PDE11A: variants seen among roughly 807,000 people sequenced by gnomAD.
PDE11A encodes dual 3',5'-cyclic-AMP and -GMP phosphodiesterase 11A.
In PDE11A, 100 loss-of-function variants were observed where a neutral mutation model predicts 100.5. The observed-to-expected ratio is 1.00, with a 90% CI of 0.85 to 1.18. PDE11A has a LOEUF of 1.18. Ranked by LOEUF, PDE11A falls within the 50% of genes most tolerant of loss-of-function variation. The probability of loss-of-function intolerance (pLI) is 0.00; values close to 1 mark genes in which losing one functional copy is unlikely to be tolerated. For missense variants in PDE11A, 1,141 were observed against 1,152.6 expected (o/e 0.99, Z 0.15); for synonymous variants, 381 against 420.8 (o/e 0.91, Z 1.16).
chr2:177,867,401 C>T (rs2084048543), intron 5 of PDE11A, among the ~76,000 whole-genome samples: 1 of 152,124 alleles, frequency 6.6e-6, no homozygotes, highest in Admixed American at 6.6e-5. Context: ...CTGGAGATCA[C>T]CTCATGTAAC....
intron 2 of PDE11A, among the ~76,000 whole-genome samples, chr2:177,948,027 G>T (rs2085464936): frequency 6.6e-6 from 1 of 151,304 alleles, no homozygotes; most frequent in Non-Finnish European, 1.5e-5. Flanking sequence ...GTAATTGTAT[G>T]TGTGCACGAC....
intron 1 of PDE11A, among the ~76,000 whole-genome samples, chr2:178,062,470 C>T (rs968173882): frequency 2.0e-5 from 3 of 151,968 alleles, no homozygotes; most frequent in African/African-American, 7.3e-5. Flanking sequence ...ATAAAGGTGG[C>T]CATTAGAAAG....
At chr2:177,996,376 C>T (rs886239342) in intron 2 of PDE11A, among the ~76,000 whole-genome samples, 1 of 151,714 alleles carries the variant, frequency 6.6e-6, no homozygotes, top group Non-Finnish European at 1.5e-5. Flanking sequence ...GATTCAGCCC[C>T]AAAAGGATAA....
rs554368640 is a variant in PDE11A at position 177,666,225 on chromosome 2, CA to C, written c.2563-2277del. Among the ~76,000 whole-genome samples, 12 of 152,296 alleles carry C rather than the reference CA, an allele frequency of 7.9e-5. No homozygotes were observed. In the South Asian group the frequency reaches 2.5e-3, roughly 32 times the overall value. Reference sequence around the variant, plus strand: ...TCTTTCACTGTTTTCAAGGTTTACCCATGTAGCATGCATCAGCACTTCATTC... The same window carrying C: ...TCTTTCACTGTTTTCAAGGTTTACCCTGTAGCATGCATCAGCACTTCATTC... On this transcript the variant is annotated intron_variant, in intron 18 of 19. Coordinates refer to ENST00000286063, the MANE Select transcript of PDE11A (RefSeq NM_016953.4).
At chr2:178,067,481 C>T (rs1007237011) in intron 1 of PDE11A, among the ~76,000 whole-genome samples, 16 of 152,176 alleles carry the variant, frequency 1.1e-4, no homozygotes, top group African/African-American at 3.9e-4. Context: ...CTCCCTTATA[C>T]ATATTTTATG....
At chr2:177,722,249 G>T (rs76591931) in intron 12 of PDE11A, among the ~76,000 whole-genome samples, 3,842 of 152,274 alleles carry the variant, frequency 0.025, 69 homozygotes, top group Middle Eastern at 0.1. Context: ...CGTCGGACAT[G>T]ATTATGTTCA....
At chr2:177,659,791 T>TCCC (rs1163546271) in intron 19 of PDE11A, among the ~76,000 whole-genome samples, 6 of 145,486 alleles carry the variant, frequency 4.1e-5, no homozygotes, top group Non-Finnish European at 5.9e-5. Context: ...TTTTTTTTTT[T>TCCC]CCCCCTCCAA....
chr2:177,964,937 A>G (rs1329037447), intron 2 of PDE11A, among the ~76,000 whole-genome samples: 2 of 152,188 alleles, frequency 1.3e-5, no homozygotes, highest in African/African-American at 4.8e-5. Context: ...GCTCTTTGAG[A>G]AACCTCCAAA....
At chr2:177,657,428 C>T (rs1354507624) in intron 19 of PDE11A, among the ~76,000 whole-genome samples, 1 of 152,164 alleles carries the variant, frequency 6.6e-6, no homozygotes. Context: ...AAAGAATAGC[C>T]CTACTTGTAG....
intron 9 of PDE11A, among the ~76,000 whole-genome samples, chr2:177,808,062 A>G (rs1314065880): frequency 6.6e-6 from 1 of 152,260 alleles, no homozygotes; most frequent in Non-Finnish European, 1.5e-5. Flanking sequence ...AAAAATTTCA[A>G]GATATATTTG....
At chr2:178,090,170 T>C (rs2087404104) in intron 2 of PDE11A, among the ~76,000 whole-genome samples, 1 of 152,184 alleles carries the variant, frequency 6.6e-6, no homozygotes, top group Non-Finnish European at 1.5e-5. Flanking sequence ...CTTAGCTAAA[T>C]TGGCACAGTA....
intron 2 of PDE11A, among the ~76,000 whole-genome samples, chr2:178,086,884 T>A (rs2087364547): frequency 6.6e-6 from 1 of 152,196 alleles, no homozygotes; most frequent in Non-Finnish European, 1.5e-5. Context: ...TTTCTGGGCC[T>A]CAGTTTTCTC....
chr2:178,030,989 C>T (rs2086539671), intron 1 of PDE11A, among the ~76,000 whole-genome samples: 1 of 152,056 alleles, frequency 6.6e-6, no homozygotes, highest in African/African-American at 2.4e-5. Flanking sequence ...CTTTTTATAA[C>T]CAAGTTGATG....
intron 1 of PDE11A, among the ~76,000 whole-genome samples, chr2:178,062,437 C>T (rs1171371640): frequency 6.6e-6 from 1 of 151,744 alleles, no homozygotes; most frequent in African/African-American, 2.4e-5. Flanking sequence ...GAAAAAGAGG[C>T]TAACAGGGAA....
chr2:177,943,292 G>T (rs1458062619), intron 2 of PDE11A, among the ~76,000 whole-genome samples: 1 of 152,160 alleles, frequency 6.6e-6, no homozygotes, highest in African/African-American at 2.4e-5. Flanking sequence ...TTAAAGAAAT[G>T]CCATACTGTT....
chr2:178,038,012 C>T (rs571227385), intron 1 of PDE11A, among the ~76,000 whole-genome samples: 2 of 151,148 alleles, frequency 1.3e-5, no homozygotes, highest in East Asian at 3.9e-4. Context: ...ATGTTCTGCA[C>T]ATGTATCCTA....
intron 2 of PDE11A, among the ~76,000 whole-genome samples, chr2:178,088,898 C>T (rs2087388708): frequency 6.6e-6 from 1 of 152,206 alleles, no homozygotes; most frequent in African/African-American, 2.4e-5. Flanking sequence ...CATTTCCAGA[C>T]TTTAACAACT....
At chr2:177,852,546 C>T (rs1053859387) in intron 5 of PDE11A, among the ~76,000 whole-genome samples, 11 of 152,098 alleles carry the variant, frequency 7.2e-5, no homozygotes, top group Admixed American at 2.0e-4. Flanking sequence ...TCCAGCTGTG[C>T]AATGCTTTTT....
chr2:177,643,240 G>A (rs922408204), intron 19 of PDE11A, among the ~76,000 whole-genome samples: 1 of 152,274 alleles, frequency 6.6e-6, no homozygotes, highest in Non-Finnish European at 1.5e-5. Flanking sequence ...AAGAAGATAG[G>A]AAAATGTGGG....
Sources: gnomAD v4.1 joint callset for allele counts (sites outside exome capture counted in the v4.1 genomes callset) on GRCh38, gnomAD v4.1.1 for gene constraint, MANE v1.5 for transcripts, NCBI Gene and HGNC (gene_info 2026-07-23, HGNC 2026-07-21) for gene names.